WDFY4: variants seen among roughly 807,000 people sequenced by gnomAD.
WDFY4 encodes WDFY family member 4.
Under a neutral mutation model 351.9 loss-of-function variants are expected in WDFY4, and 169 were observed. That is an observed-to-expected ratio of 0.48 (90% CI 0.42 to 0.55). The LOEUF (loss-of-function observed/expected upper bound fraction) is 0.55. Ranked by LOEUF, WDFY4 falls within the 20% of genes least tolerant of loss-of-function variation. The pLI is 0.00. For missense variants in WDFY4, 3,803 were observed against 3,935.6 expected, an observed-to-expected ratio of 0.97 and a Z score of 0.90; for synonymous variants, 1,622 against 1,574.6, an observed-to-expected ratio of 1.03 and a Z score of -0.71.
intron 43 of WDFY4, among the ~76,000 whole-genome samples, chr10:48,885,104 C>T (rs894767242): frequency 7.2e-5 from 11 of 151,792 alleles, no homozygotes; most frequent in South Asian, 4.2e-4. Context: ...GCCCAACGGT[C>T]GGTTTCTTAG....
chr10:48,803,373 T>G lies in WDFY4; in HGVS notation c.4484+14T>G. 1 of 1,551,632 alleles carries G rather than the reference T, an allele frequency of 6.4e-7. No homozygotes were observed. The highest frequency in any genetic ancestry group is 8.7e-7 in the Non-Finnish European group (1 of 1,146,896). On this transcript the variant is annotated intron_variant, in intron 25 of 61. Coordinates refer to ENST00000325239, the MANE Select transcript of WDFY4 (RefSeq NM_001394531.1). ...TCAATCACCAAGGTAGGCTGGGTCT[T>G]GGCAGCCTGGGGGTTAGAACTGAAG...
intron 30 of WDFY4, among the ~76,000 whole-genome samples, chr10:48,812,963 A>G (rs1193863044): frequency 1.3e-5 from 2 of 152,144 alleles, no homozygotes; most frequent in African/African-American, 4.8e-5. Flanking sequence ...CTTAGATGCT[A>G]CTTCCTACTT....
chr10:48,807,962 AG>A lies in WDFY4; in HGVS notation c.4838+5del. 1 of 1,534,670 alleles carries A rather than the reference AG, an allele frequency of 6.5e-7. No individual in the cohort carries two copies. Among genetic ancestry groups the A allele is most frequent in the Non-Finnish European group, 8.8e-7 (1 of 1,139,750 alleles). The stretch of plus-strand genomic sequence containing the variant: ...CCCAGCTTCATCTGTCCTCTGAGTA[AG>A]TAGCTCCAGGAAGAGCAATTTGGCA... On this transcript the variant is annotated splice_donor_5th_base_variant and intron_variant, in intron 28 of 61. Coordinates refer to ENST00000325239, the MANE Select transcript of WDFY4 (RefSeq NM_001394531.1).
chr10:48,982,441 C>T, intron 61 of WDFY4, 68 bp from the exon 62 acceptor site: 1 of 1,368,934 alleles, frequency 7.3e-7, no homozygotes, highest in Non-Finnish European at 9.7e-7. Context: ...GTTGCAATAT[C>T]CCATGTGCTG....
At chr10:48,870,965 G>A (rs2069751308) in intron 40 of WDFY4, among the ~76,000 whole-genome samples, 3 of 151,308 alleles carry the variant, frequency 2.0e-5, no homozygotes, top group African/African-American at 4.9e-5. Flanking sequence ...ATGGAGGCTC[G>A]CTCCTTCCCC....
intron 39 of WDFY4, among the ~76,000 whole-genome samples, chr10:48,845,737 T>C (rs577244297): frequency 6.6e-6 from 1 of 152,312 alleles, no homozygotes; most frequent in Admixed American, 6.5e-5. Context: ...TAGATGAGGA[T>C]GTGTGCAATA....
chr10:48,704,522 C>T (rs2063570437), intron 1 of WDFY4, among the ~76,000 whole-genome samples: 1 of 152,178 alleles, frequency 6.6e-6, no homozygotes, highest in African/African-American at 2.4e-5. Context: ...GGCCATATTT[C>T]CCTGAACCCT....
intron 1 of WDFY4, among the ~76,000 whole-genome samples, chr10:48,692,466 A>G (rs1341394276): frequency 6.6e-6 from 1 of 152,216 alleles, no homozygotes; most frequent in African/African-American, 2.4e-5. Flanking sequence ...TGTCTGAATC[A>G]TCTCATTTTT....
chr10:48,710,092 G>A, intron 2 of WDFY4, 126 bp downstream of exon 2: 1 of 894,100 alleles, frequency 1.1e-6, no homozygotes, highest in Non-Finnish European at 1.7e-6. Context: ...GCTCAGGGGA[G>A]TGTTGTCTTA....
Position 48,794,865 on chromosome 10 carries a change from T to G in WDFY4, c.4258-1433T>G, listed in dbSNP as rs867413601. ...CCAGGTGGAGGCAGTGGCTGGCTGATGCAGGTTGAAAAGAGAATGTCAGGT... is the reference window on the plus strand; with the variant it reads ...CCAGGTGGAGGCAGTGGCTGGCTGAGGCAGGTTGAAAAGAGAATGTCAGGT... On this transcript the variant is annotated intron_variant, in intron 23 of 61. Transcript: ENST00000325239. Among the ~76,000 whole-genome samples, 8 of 152,206 alleles carry G rather than the reference T, an allele frequency of 5.3e-5. 1 individual carries two copies. In the South Asian group the frequency reaches 1.7e-3, roughly 32 times the overall value.
chr10:48,914,879 G>A (rs1838367573), intron 47 of WDFY4, among the ~76,000 whole-genome samples: 1 of 152,118 alleles, frequency 6.6e-6, no homozygotes, highest in Non-Finnish European at 1.5e-5. Flanking sequence ...GGGGATGGGG[G>A]GTGCGGGCAA....
At chr10:48,943,273 G>C (rs1840875576) in intron 48 of WDFY4, 57 bp from the exon 49 acceptor site, 1 of 1,539,352 alleles carries the variant, frequency 6.5e-7, no homozygotes, top group African/African-American at 1.4e-5. Flanking sequence ...TGGGACCCAT[G>C]GCTTTGCAGG....
At position 48,735,970 on chromosome 10, in the gene WDFY4, A is replaced by G; in HGVS notation, c.1778A>G (p.Gln593Arg). 6.4e-7 allele frequency: 1 copy of G among 1,551,916 alleles called. No individual in the cohort carries two copies. The highest frequency in any genetic ancestry group is 1.2e-5 in the South Asian group (1 of 84,060). The change falls in exon 11 of 62, where the codon CAG becomes CGG. Residue 593 changes from glutamine to arginine, a missense_variant. This residue lies in a region of WDFY4 where 261 missense variants were observed against 330.2 expected (regional missense o/e 0.79). Coordinates refer to ENST00000325239, the MANE Select transcript of WDFY4 (RefSeq NM_001394531.1). Reference sequence around the variant, plus strand: ...GAGGCCTCGCTCAGCATCTTGGAGCAGCTCTCAGCCATCAACGCCGAGGAG... The same window carrying G: ...GAGGCCTCGCTCAGCATCTTGGAGCGGCTCTCAGCCATCAACGCCGAGGAG... The part of the protein sequence containing the change: ...YREASLSILE[Q>R]LSAINAEEYM...
intron 35 of WDFY4, chr10:48,823,512 G>C: frequency 8.8e-7 from 1 of 1,137,272 alleles, no homozygotes; most frequent in Non-Finnish European, 1.1e-6. Context: ...ACAGTTTCTA[G>C]AGCCATCTTC....
chr10:48,689,651 A>AG (rs1268854220), intron 1 of WDFY4, among the ~76,000 whole-genome samples: 2 of 152,214 alleles, frequency 1.3e-5, no homozygotes, highest in Non-Finnish European at 2.9e-5. Context: ...TCTATTGGAC[A>AG]GCAGCCTTTA....
chr10:48,836,254 A>G (rs1038039121), intron 39 of WDFY4, among the ~76,000 whole-genome samples: 1 of 152,228 alleles, frequency 6.6e-6, no homozygotes, highest in African/African-American at 2.4e-5. Flanking sequence ...CCCAAGGAAC[A>G]TTTTGTACAA....
At chr10:48,804,612 G>A (rs1014086601) in intron 25 of WDFY4, 8 of 445,624 alleles carry the variant, frequency 1.8e-5, no homozygotes, top group Non-Finnish European at 2.4e-5. Flanking sequence ...TCTGCCCAAA[G>A]TCACCCTCCT....
rs534766673 is a variant in WDFY4 at position 48,818,308 on chromosome 10, G to C, written c.5505+899G>C. 3.3e-5 allele frequency among the ~76,000 whole-genome samples: 5 copies of C among 152,302 alleles called. No individual in the cohort carries two copies. The Middle Eastern group carries it at 0.017, about 518-fold the overall frequency. The stretch of plus-strand genomic sequence containing the variant: ...CATGCCAAGTGTGATGCCAGGCCTG[G>C]AGTGGTTGCTCCATAAACATTTGCT... On this transcript the variant is annotated intron_variant, in intron 32 of 61. Transcript: ENST00000325239.
chr10:48,740,535 C>T (rs1247617319), intron 11 of WDFY4, among the ~76,000 whole-genome samples: 1 of 152,144 alleles, frequency 6.6e-6, no homozygotes, highest in African/African-American at 2.4e-5. Flanking sequence ...CATGAGCTTT[C>T]ACTTATGCAC....
Sources: allele counts gnomAD v4.1 joint callset (sites outside exome capture counted in the v4.1 genomes callset), GRCh38; gene constraint gnomAD v4.1.1; regional missense constraint gnomAD v4.1.1; transcripts MANE v1.5; gene names NCBI Gene and HGNC (gene_info 2026-07-23, HGNC 2026-07-21).